The following VDR variants were observed in gnomAD, a reference collection of about 807,000 sequenced individuals.
VDR encodes vitamin D receptor.
Under a neutral mutation model 39.7 loss-of-function variants are expected in VDR, and 19 were observed. The observed-to-expected ratio is 0.48, with a 90% CI of 0.33 to 0.70. The LOEUF is 0.70. VDR is among the 30% of genes least tolerant of loss of function. The pLI, the probability that VDR is intolerant of heterozygous loss-of-function variation, is 0.02. For missense variants in VDR, 442 were observed against 570.5 expected, an observed-to-expected ratio of 0.77 and a Z score of 2.29; for synonymous variants, 242 against 215.8, an observed-to-expected ratio of 1.12 and a Z score of -1.07.
intron 1 of VDR, among the ~76,000 whole-genome samples, chr12:47,888,187 C>T (rs1242057570): frequency 6.6e-6 from 1 of 152,190 alleles, no homozygotes; most frequent in Non-Finnish European, 1.5e-5. Context: ...TCTCATAAGG[C>T]TTATTCACTA....
intron 3 of VDR, chr12:47,878,749 A>G: frequency 1.3e-6 from 1 of 760,620 alleles, no homozygotes; most frequent in Non-Finnish European, 2.2e-6. Flanking sequence ...AACCTCAGGA[A>G]AGCGATTTCC....
chr12:47,900,349 G>T (rs986753371), intron 1 of VDR, among the ~76,000 whole-genome samples: 2 of 152,168 alleles, frequency 1.3e-5, no homozygotes, highest in Non-Finnish European at 2.9e-5. Flanking sequence ...ATTTACTGCG[G>T]GTGTATAATG....
chr12:47,895,568 A>G (rs564002766), intron 1 of VDR, among the ~76,000 whole-genome samples: 95 of 152,306 alleles, frequency 6.2e-4, no homozygotes, highest in Admixed American at 5.8e-3. Context: ...TTCTACAGGA[A>G]CAGGGTTTTT....
At chr12:47,850,593 C>T (rs1482466400) in intron 7 of VDR, among the ~76,000 whole-genome samples, 4 of 152,154 alleles carry the variant, frequency 2.6e-5, no homozygotes, top group African/African-American at 9.7e-5. Flanking sequence ...TGCCCACAGC[C>T]TGGAAATACA....
At chr12:47,856,721 G>A (rs1945496429) in intron 6 of VDR, among the ~76,000 whole-genome samples, 1 of 151,984 alleles carries the variant, frequency 6.6e-6, no homozygotes, top group Non-Finnish European at 1.5e-5. Context: ...GTGGTCCCCA[G>A]AGCTCAAGTG....
intron 2 of VDR, among the ~76,000 whole-genome samples, chr12:47,880,184 T>C (rs1472150442): frequency 6.6e-6 from 1 of 151,994 alleles, no homozygotes; most frequent in African/African-American, 2.4e-5. Flanking sequence ...AGGCAAAGGG[T>C]CCTTCTTGTC....
intron 9 of VDR, among the ~76,000 whole-genome samples, chr12:47,845,805 T>C (rs1239185492): frequency 6.6e-6 from 1 of 152,206 alleles, no homozygotes; most frequent in Non-Finnish European, 1.5e-5. Flanking sequence ...TCTTTGGACC[T>C]CATCACCGAC....
At chr12:47,850,636 C>T (rs187027124) in intron 7 of VDR, among the ~76,000 whole-genome samples, 1 of 152,270 alleles carries the variant, frequency 6.6e-6, no homozygotes, top group East Asian at 1.9e-4. Context: ...CAGCCAGGAC[C>T]AGGGATGGTG....
At chr12:47,884,466 A>C (rs1946217574) in intron 1 of VDR, among the ~76,000 whole-genome samples, 1 of 152,156 alleles carries the variant, frequency 6.6e-6, no homozygotes, top group Non-Finnish European at 1.5e-5. Flanking sequence ...TGTAGTGCCC[A>C]ACTGGGTCCT....
chr12:47,882,431 C>T (rs948067064), intron 2 of VDR, among the ~76,000 whole-genome samples: 3 of 152,114 alleles, frequency 2.0e-5, no homozygotes, highest in African/African-American at 7.2e-5. Context: ...GGATAGGAAA[C>T]ATCAGACGCA....
intron 4 of VDR, among the ~76,000 whole-genome samples, chr12:47,860,786 G>C (rs1454220911): frequency 1.3e-5 from 2 of 152,134 alleles, no homozygotes; most frequent in Admixed American, 1.3e-4. Flanking sequence ...TCTGCCTCTG[G>C]ATGTGTGCCT....
chr12:47,861,433 A>C (rs1945623264), intron 4 of VDR, among the ~76,000 whole-genome samples: 1 of 152,248 alleles, frequency 6.6e-6, no homozygotes, highest in Non-Finnish European at 1.5e-5. Flanking sequence ...TCTGCAAGGC[A>C]ACATTGCTTG....
intron 4 of VDR, among the ~76,000 whole-genome samples, chr12:47,858,636 G>A (rs960513185): frequency 6.6e-6 from 1 of 152,254 alleles, no homozygotes; most frequent in Non-Finnish European, 1.5e-5. Context: ...TGGCACGGCG[G>A]CTGGGCAAAC....
Position 47,857,555 on chromosome 12 carries a change from G to T in VDR, c.411C>A (p.Asp137Glu), listed in dbSNP as rs144628070. The T allele has an allele frequency of 6.2e-7, 1 of 1,614,194 alleles. No individual in the cohort carries two copies. Among genetic ancestry groups the T allele is most frequent in the Admixed American group, 1.7e-5 (1 of 60,026 alleles). ...EQQRIIAILL[D>E]AHHKTYDPTY... Reference sequence around the variant, plus strand: ...TGGGGTCGTAGGTCTTATGGTGGGCGTCCAGCAGTATGGCAATGATGCGCT... The same window carrying T: ...TGGGGTCGTAGGTCTTATGGTGGGCTTCCAGCAGTATGGCAATGATGCGCT... The change falls in exon 5 of 10, where the codon GAC (aspartate) becomes GAA (glutamate). Residue 137 changes from aspartate (D) to glutamate (E), a missense_variant. By Grantham distance (45) the Asp-to-Glu change is conservative. Transcript: ENST00000549336.
At chr12:47,871,382 T>C (rs1041369222) in intron 3 of VDR, among the ~76,000 whole-genome samples, 2 of 126,992 alleles carry the variant, frequency 1.6e-5, no homozygotes, top group Non-Finnish European at 3.5e-5. Context: ...TCTCTCTTCC[T>C]TCCTTCCTTC....
chr12:47,883,864 C>G (rs536113271), intron 1 of VDR, among the ~76,000 whole-genome samples: 3 of 152,234 alleles, frequency 2.0e-5, no homozygotes, highest in Non-Finnish European at 4.4e-5. Flanking sequence ...CTTGCCACCC[C>G]CTCCAGTACT....
At chr12:47,881,798 C>T (rs1946155176) in intron 2 of VDR, among the ~76,000 whole-genome samples, 1 of 150,874 alleles carries the variant, frequency 6.6e-6, no homozygotes, top group Non-Finnish European at 1.5e-5. Context: ...GGTTTTAGAA[C>T]ATAGCACACA....
intron 1 of VDR, among the ~76,000 whole-genome samples, chr12:47,885,514 G>A (rs1486211510): frequency 6.6e-6 from 1 of 152,218 alleles, no homozygotes; most frequent in South Asian, 2.1e-4. Flanking sequence ...AGAGCCCTGG[G>A]AGGACAAAAA....
intron 4 of VDR, among the ~76,000 whole-genome samples, chr12:47,857,989 C>G (rs1037783270): frequency 6.6e-5 from 10 of 152,130 alleles, no homozygotes; most frequent in Non-Finnish European, 1.5e-4. Flanking sequence ...ACTCTCTGGG[C>G]TTTTGTTCTT....
Sources: gnomAD v4.1 joint callset for allele counts (sites outside exome capture counted in the v4.1 genomes callset) on GRCh38, gnomAD v4.1.1 for gene constraint, MANE v1.5 for transcripts, NCBI Gene and HGNC (gene_info 2026-07-23, HGNC 2026-07-21) for gene names.